Variants in ABCB7 observed in about 807,000 individuals in gnomAD.
ABCB7 encodes the protein iron-sulfur clusters transporter ABCB7, mitochondrial.
In ABCB7, 7 loss-of-function variants were observed where a neutral mutation model predicts 54.4. The ratio of observed to expected loss-of-function variants is 0.13; its 90% confidence interval spans 0.07 to 0.24. The LOEUF (loss-of-function observed/expected upper bound fraction) is 0.24, where lower values mean the gene tolerates loss of function less well. ABCB7 is among the 10% of genes least tolerant of loss of function. The pLI, the probability that ABCB7 is intolerant of heterozygous loss-of-function variation, is 1.00. For synonymous variants in ABCB7, 218 were observed against 207.1 expected (o/e 1.05, Z -0.45); for missense variants, 356 against 570.4 (o/e 0.62, Z 3.83).
At chrX:75,069,653 G>T in intron 10 of ABCB7, among the ~76,000 whole-genome samples, 199 bp from the exon 11 acceptor site, 1 of 110,492 alleles carries the variant, frequency 9.1e-6, no homozygotes, top group Non-Finnish European at 1.9e-5. Context: ...AACCCTGAAT[G>T]TTTTGGTTTC....
At chrX:75,127,258 G>T (rs912865043) in intron 1 of ABCB7, among the ~76,000 whole-genome samples, 1 of 111,151 alleles carries the variant, frequency 9.0e-6, no homozygotes, top group Non-Finnish European at 1.9e-5. Context: ...TTCAATATAC[G>T]CAAATCAGTA....
intron 1 of ABCB7, among the ~76,000 whole-genome samples, chrX:75,115,183 G>A (rs1276597661): frequency 1.0e-5 from 1 of 96,114 alleles, no homozygotes; most frequent in Non-Finnish European, 2.0e-5. Flanking sequence ...CAGGAGAATC[G>A]CTTCAACCCA....
chrX:75,137,486 C>G (rs769596336), intron 1 of ABCB7, among the ~76,000 whole-genome samples: 143 of 112,416 alleles, frequency 1.3e-3, no homozygotes, highest in Non-Finnish European at 2.3e-3. Context: ...TCTCAAAGAA[C>G]TTAAAACAGA....
At chrX:75,055,312 G>T (rs2081228692) in intron 15 of ABCB7, among the ~76,000 whole-genome samples, 1 of 109,365 alleles carries the variant, frequency 9.1e-6, no homozygotes, top group Non-Finnish European at 1.9e-5. Context: ...ATGAGCTGCA[G>T]ACATCATTAC....
chrX:75,120,121 A>G (rs2081862308), intron 1 of ABCB7, among the ~76,000 whole-genome samples: 2 of 111,955 alleles, frequency 1.8e-5, no homozygotes, highest in Admixed American at 1.9e-4. Flanking sequence ...AATGCTGCTG[A>G]TCCTTTGTTT....
At chrX:75,116,589 A>G in intron 1 of ABCB7, among the ~76,000 whole-genome samples, 1 of 111,667 alleles carries the variant, frequency 9.0e-6, no homozygotes. Context: ...TGCAAAATGG[A>G]CACACACCTT....
intron 15 of ABCB7, among the ~76,000 whole-genome samples, chrX:75,056,467 G>C (rs1418737200): frequency 9.0e-6 from 1 of 111,625 alleles, no homozygotes; most frequent in Non-Finnish European, 1.9e-5. Context: ...CAATTGGCTA[G>C]TGGGAGCTCA....
At chrX:75,120,842 C>T (rs1182499867) in intron 1 of ABCB7, among the ~76,000 whole-genome samples, 1 of 109,915 alleles carries the variant, frequency 9.1e-6, no homozygotes, top group African/African-American at 3.3e-5. Context: ...TTCTGACAGG[C>T]CCAGGAGCCC....
In ABCB7 at chrX:75,078,592, C is replaced by A. The variant is rs919884083; in HGVS notation, c.454-1938G>T. 2.7e-5 allele frequency among the ~76,000 whole-genome samples: 3 copies of A among 110,873 alleles called. No homozygotes were observed. The Admixed American group carries it at 2.9e-4, about 11-fold the overall frequency. ...AATCAGGTATGGTGAAAGGTAGGTA[C>A]CTTTCACAAATGTGAGGGATGAAAG... On this transcript the variant is annotated intron_variant, in intron 4 of 15. Coordinates refer to ENST00000373394, the MANE Select transcript of ABCB7 (RefSeq NM_001271696.3).
intron 15 of ABCB7, among the ~76,000 whole-genome samples, chrX:75,054,360 T>C (rs1345757551): frequency 8.9e-6 from 1 of 111,917 alleles, no homozygotes; most frequent in Non-Finnish European, 1.9e-5. Context: ...ACTAACTTCC[T>C]ACTATGGAAT....
chrX:75,086,864 A>C (rs749085190), intron 4 of ABCB7, among the ~76,000 whole-genome samples: 7 of 111,763 alleles, frequency 6.3e-5, no homozygotes, highest in Non-Finnish European at 1.1e-4. Flanking sequence ...TGGTGACGAA[A>C]ACAACCTCTA....
In ABCB7 at chrX:75,069,426, A is replaced by G; in HGVS notation, c.1394T>C (p.Ile465Thr). 8.3e-7 allele frequency: 1 copy of G among 1,210,824 alleles called. No individual in the cohort carries two copies. The highest frequency in any genetic ancestry group is 1.1e-6 in the Non-Finnish European group (1 of 894,996). The change falls in exon 11 of 16, where the codon ATC becomes ACC. Residue 465 changes from isoleucine to threonine, a missense_variant. Physicochemically the swap from Ile to Thr is moderately conservative, Grantham distance 89. This residue lies in a region of ABCB7 where 241 missense variants were observed against 470.9 expected (regional missense o/e 0.51). Transcript: ENST00000373394. ...KDKVMASPLQ[I>T]TPQTATVAFD... ...GGCCACGGTAGCTGTCTGTGGTGTG[A>G]TCTGAAGGGGAGATGCCATCACTTT...
intron 1 of ABCB7, among the ~76,000 whole-genome samples, chrX:75,121,243 C>G (rs752046231): frequency 9.6e-6 from 1 of 104,674 alleles, no homozygotes; most frequent in South Asian, 4.5e-4. Context: ...GAGCCAAGAT[C>G]GTGCCACTGC....
In ABCB7 at chrX:75,115,786, T is replaced by TGG. The variant is rs375102120; in HGVS notation, c.169-957_169-956dup. ...GCCATGATGCTGGTTGTGTGTGTGT[T>TGG]GGGGGGGGGGGCACGGGGCAGAATT... On this transcript the variant is annotated intron_variant, in intron 1 of 15. Coordinates refer to ENST00000373394, the MANE Select transcript of ABCB7 (RefSeq NM_001271696.3). Among the ~76,000 whole-genome samples the TGG allele has an allele frequency of 8.7e-4, 80 of 91,979 alleles. 1 individual carries two copies. Among genetic ancestry groups the TGG allele is most frequent in the African/African-American group, 3.0e-3 (76 of 25,571 alleles). The allele number at this position is 91,979 out of a possible 115,157, so 79.9% of individuals were successfully genotyped here.
rs180935974 is a variant in ABCB7 at position 75,069,914 on chromosome X, G to C, written c.1365+451C>G. ...TTTTGAGACGGAGTTCGCCCTTGTT[G>C]CTCAGGCTGGAGTGCAATGGCAGGA... On this transcript the variant is annotated intron_variant, in intron 10 of 15. Transcript: ENST00000373394. 2.9e-3 allele frequency among the ~76,000 whole-genome samples: 326 copies of C among 110,760 alleles called. 1 individual carries two copies. Among genetic ancestry groups the C allele is most frequent in the African/African-American group, 9.8e-3 (298 of 30,371 alleles).
chrX:75,142,644 C>T (rs1456704777), intron 1 of ABCB7, among the ~76,000 whole-genome samples: 2 of 112,519 alleles, frequency 1.8e-5, no homozygotes, highest in Non-Finnish European at 3.8e-5. Context: ...CACAAGACTT[C>T]AATATTCATC....
chrX:75,142,856 C>G (rs1048379471), intron 1 of ABCB7, among the ~76,000 whole-genome samples: 1 of 112,298 alleles, frequency 8.9e-6, no homozygotes, highest in African/African-American at 3.2e-5. Context: ...GCTATAGCCC[C>G]GGTGCCTAGT....
intron 1 of ABCB7, among the ~76,000 whole-genome samples, chrX:75,142,744 G>A (rs1385496275): frequency 1.8e-5 from 2 of 111,960 alleles, no homozygotes; most frequent in African/African-American, 3.2e-5. Context: ...CCTGCACGTC[G>A]CTCTACAAAA....
At chrX:75,148,168 T>A (rs1259999611) in intron 1 of ABCB7, among the ~76,000 whole-genome samples, 2 of 111,480 alleles carry the variant, frequency 1.8e-5, no homozygotes, top group South Asian at 7.5e-4. Context: ...ACAGAGATGA[T>A]AAAATGCATT....
Sources: allele counts gnomAD v4.1 joint callset (sites outside exome capture counted in the v4.1 genomes callset), GRCh38; gene constraint gnomAD v4.1.1; regional missense constraint gnomAD v4.1.1; transcripts MANE v1.5; gene names NCBI Gene and HGNC (gene_info 2026-07-23, HGNC 2026-07-21).